The following CNTNAP2 variants were observed in gnomAD, a reference collection of about 807,000 sequenced individuals.
CNTNAP2 encodes contactin associated protein 2, also known as contactin-associated protein-like 2.
A neutral mutation model predicts 155.2 loss-of-function variants in CNTNAP2; 98 were observed. That is an observed-to-expected ratio of 0.63 (90% confidence interval 0.54 to 0.75). CNTNAP2 has a LOEUF of 0.75. Ranked by LOEUF, CNTNAP2 falls within the 30% of genes least tolerant of loss-of-function variation. The pLI is 0.00. For synonymous variants in CNTNAP2, 651 were observed against 631.2 expected (o/e 1.03, Z -0.47); for missense variants, 1,727 against 1,688.1 (o/e 1.02, Z -0.40).
chr7:147,514,897 A>C (rs1252182860), intron 11 of CNTNAP2, among the ~76,000 whole-genome samples: 3 of 152,080 alleles, frequency 2.0e-5, no homozygotes, highest in African/African-American at 7.2e-5. Flanking sequence ...ACCTACTTTC[A>C]CCCAGGCCCT....
At chr7:146,340,132 G>GCA (rs774810739) in intron 1 of CNTNAP2, among the ~76,000 whole-genome samples, 48 of 132,016 alleles carry the variant, frequency 3.6e-4, no homozygotes, top group Non-Finnish European at 6.5e-4. Context: ...TCGCGCCACT[G>GCA]CACTCCAGCC....
chr7:148,367,781 G>A (rs1261156387), intron 21 of CNTNAP2, among the ~76,000 whole-genome samples: 5 of 152,004 alleles, frequency 3.3e-5, no homozygotes, highest in South Asian at 2.1e-4. Context: ...AACAAAGTAC[G>A]CAACATGTCA....
At position 146,186,171 on chromosome 7, in the gene CNTNAP2, T is replaced by C. The variant is rs138720240; in HGVS notation, c.97+69198T>C. Among the ~76,000 whole-genome samples, 73 of 152,304 alleles carry C rather than the reference T, an allele frequency of 4.8e-4. 1 individual carries two copies. The highest frequency in any genetic ancestry group is 1.7e-3 in the African/African-American group (72 of 41,582). On this transcript the variant is annotated intron_variant, in intron 1 of 23. Coordinates refer to ENST00000361727, the MANE Select transcript of CNTNAP2 (RefSeq NM_014141.6). ...AATTCTACTCTGCATATTACTGATA[T>C]TGCATTCATGTTTGCCTATTTCCAT... is the stretch of plus-strand genomic sequence containing the variant.
At chr7:147,440,872 C>G (rs1159734104) in intron 10 of CNTNAP2, among the ~76,000 whole-genome samples, 1 of 152,088 alleles carries the variant, frequency 6.6e-6, no homozygotes, top group African/African-American at 2.4e-5. Flanking sequence ...TTTCTTTTCT[C>G]TTGCTGCTTT....
chr7:146,488,426 A>T (rs1178761465), intron 1 of CNTNAP2, among the ~76,000 whole-genome samples: 3 of 151,822 alleles, frequency 2.0e-5, no homozygotes, highest in African/African-American at 7.3e-5. Context: ...ATTTATTGAA[A>T]AAAACTGTGT....
chr7:146,932,954 A>T (rs978375930), intron 3 of CNTNAP2, among the ~76,000 whole-genome samples: 1 of 152,194 alleles, frequency 6.6e-6, no homozygotes, highest in Admixed American at 6.5e-5. Context: ...AAAGAAATGG[A>T]AGAACATTCC....
At chr7:146,251,603 A>G (rs531804926) in intron 1 of CNTNAP2, among the ~76,000 whole-genome samples, 1 of 152,328 alleles carries the variant, frequency 6.6e-6, no homozygotes, top group Admixed American at 6.5e-5. Context: ...GATAGATGCT[A>G]ATTTTAATTA....
chr7:146,902,036 C>T (rs1021927504), intron 3 of CNTNAP2, among the ~76,000 whole-genome samples: 2 of 151,848 alleles, frequency 1.3e-5, no homozygotes, highest in South Asian at 4.2e-4. Flanking sequence ...CCACCTCGCC[C>T]GGCTAATTTT....
chr7:146,533,873 ATTAT>A (rs1324423535), intron 1 of CNTNAP2, among the ~76,000 whole-genome samples: 26 of 152,244 alleles, frequency 1.7e-4, no homozygotes, highest in African/African-American at 6.3e-4. Flanking sequence ...TTTCTTAACA[ATTAT>A]TTATTAATTA....
At chr7:147,268,838 T>G (rs1219554528) in intron 8 of CNTNAP2, among the ~76,000 whole-genome samples, 1 of 152,176 alleles carries the variant, frequency 6.6e-6, no homozygotes, top group Admixed American at 6.5e-5. Context: ...ATGAAAGATT[T>G]TATTTTCTCA....
At chr7:146,642,638 T>C (rs903967621) in intron 1 of CNTNAP2, among the ~76,000 whole-genome samples, 82 of 151,998 alleles carry the variant, frequency 5.4e-4, no homozygotes, top group Non-Finnish European at 1.3e-4. Flanking sequence ...TGTGTCTTTA[T>C]AACAGCATGA....
At chr7:146,287,127 T>C (rs1312254752) in intron 1 of CNTNAP2, among the ~76,000 whole-genome samples, 1 of 152,212 alleles carries the variant, frequency 6.6e-6, no homozygotes. Flanking sequence ...TTTCTGTTGT[T>C]ACCACCTTTT....
At chr7:147,427,469 T>C (rs891210482) in intron 10 of CNTNAP2, among the ~76,000 whole-genome samples, 3 of 152,086 alleles carry the variant, frequency 2.0e-5, no homozygotes, top group Admixed American at 6.6e-5. Flanking sequence ...TGACTGAGCA[T>C]GGAGATATGT....
chr7:147,027,027 GAAAA>G (rs35010258), intron 3 of CNTNAP2, among the ~76,000 whole-genome samples: 3 of 116,708 alleles, frequency 2.6e-5, no homozygotes, highest in Non-Finnish European at 5.4e-5. Context: ...ACAAAAAAAA[GAAAA>G]AAAAAAACTT....
At chr7:148,057,760 G>A (rs1303447509) in intron 15 of CNTNAP2, among the ~76,000 whole-genome samples, 1 of 152,052 alleles carries the variant, frequency 6.6e-6, no homozygotes, top group Non-Finnish European at 1.5e-5. Flanking sequence ...ATTACTAGAA[G>A]ACAAGCATGG....
chr7:147,887,904 C>T (rs1441504326), intron 13 of CNTNAP2, among the ~76,000 whole-genome samples: 1 of 152,132 alleles, frequency 6.6e-6, no homozygotes, highest in Admixed American at 6.5e-5. Flanking sequence ...ATGTTTACAG[C>T]CTAACTTCAC....
At chr7:148,229,509 C>A in intron 19 of CNTNAP2, 137 bp from the exon 20 acceptor site, 1 of 1,184,452 alleles carries the variant, frequency 8.4e-7, no homozygotes, top group South Asian at 1.3e-5. Flanking sequence ...TGGGCAAGAG[C>A]AAGACTCCGT....
At chr7:146,649,382 AAAG>A (rs1799867651) in intron 1 of CNTNAP2, among the ~76,000 whole-genome samples, 2 of 152,154 alleles carry the variant, frequency 1.3e-5, no homozygotes. Flanking sequence ...ATGAATGTGT[AAAG>A]TAGTAGAACT....
intron 18 of CNTNAP2, among the ~76,000 whole-genome samples, chr7:148,184,593 C>T (rs1795089091): frequency 6.6e-6 from 1 of 152,200 alleles, no homozygotes; most frequent in East Asian, 1.9e-4. Context: ...ACCAAAATGT[C>T]CTTTCACATC....
Sources: gnomAD v4.1 joint callset for allele counts (sites outside exome capture counted in the v4.1 genomes callset) on GRCh38, gnomAD v4.1.1 for gene constraint, MANE v1.5 for transcripts, NCBI Gene and HGNC (gene_info 2026-07-23, HGNC 2026-07-21) for gene names.